The following GABRB1 variants were observed in gnomAD, a reference collection of about 807,000 sequenced individuals.
The protein encoded by GABRB1 is gamma-aminobutyric acid receptor subunit beta-1.
In GABRB1, 17 loss-of-function variants were observed where a neutral mutation model predicts 51.6. The ratio of observed to expected loss-of-function variants is 0.33; its 90% CI spans 0.23 to 0.49. The LOEUF is 0.49. Among genes scored for constraint, GABRB1 ranks in the 20% least tolerant of loss-of-function variants. The pLI is 0.99. For missense variants in GABRB1, 410 were observed against 600.6 expected (o/e 0.68, Z 3.32); for synonymous variants, 247 against 218.9 (o/e 1.13, Z -1.14).
At chr4:47,397,371 C>G (rs1728212141) in intron 5 of GABRB1, among the ~76,000 whole-genome samples, 1 of 152,174 alleles carries the variant, frequency 6.6e-6, no homozygotes, top group Non-Finnish European at 1.5e-5. Context: ...ATTTCTTAAG[C>G]TATCTTTTCC....
chr4:47,214,290 G>A (rs1408023627), intron 4 of GABRB1, among the ~76,000 whole-genome samples: 1 of 152,166 alleles, frequency 6.6e-6, no homozygotes, highest in Non-Finnish European at 1.5e-5. Flanking sequence ...CAGTGAACAT[G>A]ATTTGTGCTC....
chr4:47,189,926 T>A (rs558429354), intron 4 of GABRB1, among the ~76,000 whole-genome samples: 11 of 152,012 alleles, frequency 7.2e-5, no homozygotes, highest in African/African-American at 2.7e-4. Flanking sequence ...GATGGAGACA[T>A]CTTTGAAGGC....
intron 3 of GABRB1, among the ~76,000 whole-genome samples, chr4:47,110,072 A>G (rs1031018850): frequency 2.0e-5 from 3 of 152,140 alleles, no homozygotes; most frequent in African/African-American, 7.2e-5. Flanking sequence ...TAAAAAAGAG[A>G]TGAATTTGTT....
chr4:47,178,597 T>C (rs1718802165), intron 4 of GABRB1, among the ~76,000 whole-genome samples: 1 of 152,160 alleles, frequency 6.6e-6, no homozygotes, highest in African/African-American at 2.4e-5. Flanking sequence ...TGTCACAGGA[T>C]AATTCTGTAC....
intron 3 of GABRB1, among the ~76,000 whole-genome samples, chr4:47,107,121 A>T (rs1199918225): frequency 6.6e-6 from 1 of 152,160 alleles, no homozygotes; most frequent in Non-Finnish European, 1.5e-5. Flanking sequence ...AAAGATTTGA[A>T]ACTTTTCAAG....
At chr4:47,075,517 C>A (rs1375825750) in intron 3 of GABRB1, among the ~76,000 whole-genome samples, 6 of 152,018 alleles carry the variant, frequency 3.9e-5, no homozygotes, top group Non-Finnish European at 8.8e-5. Context: ...AAAAATAATA[C>A]AGGAAGGAAT....
intron 1 of GABRB1, among the ~76,000 whole-genome samples, chr4:47,024,645 T>C (rs1038942545): frequency 7.9e-5 from 12 of 151,778 alleles, no homozygotes; most frequent in African/African-American, 2.9e-4. Context: ...TTAGTGATGA[T>C]TTGTGAGATT....
chr4:47,320,353 A>AG (rs1421304779), intron 5 of GABRB1, 144 bp downstream of exon 5: 1 of 663,654 alleles, frequency 1.5e-6, no homozygotes, highest in Non-Finnish European at 2.7e-6. Flanking sequence ...TGGTAGCTCA[A>AG]GGGTCATTTC....
intron 3 of GABRB1, among the ~76,000 whole-genome samples, chr4:47,122,800 G>C (rs1244601359): frequency 2.0e-5 from 3 of 152,188 alleles, no homozygotes; most frequent in African/African-American, 7.2e-5. Context: ...TGGGCAAGAA[G>C]CTCACTGGAA....
At chr4:47,116,401 TG>T in intron 3 of GABRB1, among the ~76,000 whole-genome samples, 1 of 152,334 alleles carries the variant, frequency 6.6e-6, no homozygotes, top group South Asian at 2.1e-4. Flanking sequence ...CTCAACCTGG[TG>T]GCAAAGATGT....
At chr4:47,164,059 A>T (rs1012589636) in intron 4 of GABRB1, among the ~76,000 whole-genome samples, 2 of 151,914 alleles carry the variant, frequency 1.3e-5, no homozygotes, top group Admixed American at 1.3e-4. Context: ...GGAACCCCAT[A>T]CTTACCAAAA....
chr4:47,287,037 G>A (rs2078610), intron 4 of GABRB1, among the ~76,000 whole-genome samples: 2 of 151,910 alleles, frequency 1.3e-5, no homozygotes, highest in African/African-American at 4.8e-5. Flanking sequence ...TCCCTACACC[G>A]CATTGGCCCA....
intron 4 of GABRB1, among the ~76,000 whole-genome samples, chr4:47,257,594 G>T (rs1437673989): frequency 6.6e-6 from 1 of 151,836 alleles, no homozygotes; most frequent in South Asian, 2.1e-4. Context: ...TGATTGGTGA[G>T]AAGTGTCTTC....
chr4:47,173,593 T>A (rs1238984519), intron 4 of GABRB1, among the ~76,000 whole-genome samples: 1 of 152,176 alleles, frequency 6.6e-6, no homozygotes, highest in Non-Finnish European at 1.5e-5. Flanking sequence ...TTCCAGATTT[T>A]AAAAAATCAC....
intron 4 of GABRB1, among the ~76,000 whole-genome samples, chr4:47,299,548 T>C (rs1724159450): frequency 6.6e-6 from 1 of 152,130 alleles, no homozygotes; most frequent in Non-Finnish European, 1.5e-5. Flanking sequence ...AGATACCATC[T>C]CACACCAGTT....
intron 4 of GABRB1, among the ~76,000 whole-genome samples, chr4:47,310,917 A>T (rs1326389943): frequency 6.6e-6 from 1 of 151,768 alleles, no homozygotes; most frequent in Non-Finnish European, 1.5e-5. Flanking sequence ...TAATCCCAAC[A>T]CTTTGGGAGG....
chr4:47,275,195 G>A (rs1723029965), intron 4 of GABRB1, among the ~76,000 whole-genome samples: 1 of 152,132 alleles, frequency 6.6e-6, no homozygotes. Context: ...CTTCAAGTTA[G>A]CCTTGATAAG....
chr4:47,246,370 ATATATATATATATATATATATATAT>A (rs1721757469), intron 4 of GABRB1, among the ~76,000 whole-genome samples: 2 of 48,620 alleles, frequency 4.1e-5, no homozygotes, highest in African/African-American at 2.2e-4. Context: ...ATATATATAT[ATATATATATATATATATATATATAT>A]AAAATACCAC....
chr4:47,299,751 A>G (rs1212171865), intron 4 of GABRB1, among the ~76,000 whole-genome samples: 2 of 152,170 alleles, frequency 1.3e-5, no homozygotes, highest in Non-Finnish European at 2.9e-5. Flanking sequence ...TATATACCCA[A>G]AGGACTATAA....
Sources: gnomAD v4.1 joint callset for allele counts (sites outside exome capture counted in the v4.1 genomes callset) on GRCh38, gnomAD v4.1.1 for gene constraint, MANE v1.5 for transcripts, NCBI Gene and HGNC (gene_info 2026-07-23, HGNC 2026-07-21) for gene names.